Variants in CACNA2D3 observed in about 807,000 individuals in gnomAD.
CACNA2D3 encodes voltage-dependent calcium channel subunit alpha-2/delta-3.
Under a neutral mutation model 160.6 loss-of-function variants are expected in CACNA2D3, and 60 were observed. The observed-to-expected ratio is 0.37, with a 90% confidence interval of 0.30 to 0.46. The LOEUF is 0.46. Ranked by LOEUF, CACNA2D3 falls within the 20% of genes least tolerant of loss-of-function variation. CACNA2D3 has a pLI of 1.00. For synonymous variants in CACNA2D3, 558 were observed against 492.9 expected, an observed-to-expected ratio of 1.13 and a Z score of -1.75; for missense variants, 1,205 against 1,365.0, an observed-to-expected ratio of 0.88 and a Z score of 1.85.
At chr3:54,864,098 C>T (rs533980584) in intron 17 of CACNA2D3, among the ~76,000 whole-genome samples, 6 of 152,282 alleles carry the variant, frequency 3.9e-5, no homozygotes, top group African/African-American at 1.4e-4. Flanking sequence ...GGGAGTCACA[C>T]ATCCAAGGAG....
chr3:54,261,362 T>C (rs1302824676), intron 2 of CACNA2D3, among the ~76,000 whole-genome samples: 3 of 152,192 alleles, frequency 2.0e-5, no homozygotes, highest in Non-Finnish European at 4.4e-5. Flanking sequence ...CTTGTTACCA[T>C]GGGGAGGAAC....
At chr3:54,844,505 A>C (rs542124415) in intron 16 of CACNA2D3, among the ~76,000 whole-genome samples, 2 of 152,210 alleles carry the variant, frequency 1.3e-5, no homozygotes, top group African/African-American at 4.8e-5. Flanking sequence ...TAGAATCTGC[A>C]CTAAATGCAG....
chr3:54,414,201 A>G (rs1047212127), intron 4 of CACNA2D3, among the ~76,000 whole-genome samples: 3 of 152,078 alleles, frequency 2.0e-5, no homozygotes, highest in Non-Finnish European at 4.4e-5. Context: ...AGTGAGAACA[A>G]CATTGACTTA....
chr3:54,559,255 C>T (rs1172655516), intron 5 of CACNA2D3, among the ~76,000 whole-genome samples: 2 of 152,056 alleles, frequency 1.3e-5, no homozygotes, highest in African/African-American at 2.4e-5. Context: ...TGTTTATTCT[C>T]CTTCTTTGTC....
intron 4 of CACNA2D3, among the ~76,000 whole-genome samples, chr3:54,477,211 A>G (rs1199478192): frequency 6.6e-6 from 1 of 152,100 alleles, no homozygotes; most frequent in Non-Finnish European, 1.5e-5. Flanking sequence ...TCTGGCATAG[A>G]GTACCTATAA....
At chr3:54,137,633 A>G (rs1699838982) in intron 2 of CACNA2D3, among the ~76,000 whole-genome samples, 1 of 152,214 alleles carries the variant, frequency 6.6e-6, no homozygotes, top group African/African-American at 2.4e-5. Context: ...AACCCGTTAC[A>G]ACCTCACATG....
At chr3:54,440,756 G>C (rs1027653232) in intron 4 of CACNA2D3, among the ~76,000 whole-genome samples, 1 of 151,936 alleles carries the variant, frequency 6.6e-6, no homozygotes, top group African/African-American at 2.4e-5. Flanking sequence ...TTGTCCTTGC[G>C]ATAGTTTGCT....
chr3:54,659,608 C>G (rs1029721595), intron 11 of CACNA2D3, among the ~76,000 whole-genome samples: 5 of 152,084 alleles, frequency 3.3e-5, no homozygotes, highest in Admixed American at 6.5e-5. Context: ...GGGAGTGTTG[C>G]CAAGAAGCGT....
At chr3:54,380,271 A>T (rs1307578147) in intron 3 of CACNA2D3, among the ~76,000 whole-genome samples, 3 of 152,154 alleles carry the variant, frequency 2.0e-5, no homozygotes, top group African/African-American at 7.2e-5. Flanking sequence ...TTAATCCGTG[A>T]TGGATTGAGT....
intron 2 of CACNA2D3, among the ~76,000 whole-genome samples, chr3:54,136,084 G>A (rs1454885928): frequency 7.9e-5 from 12 of 152,154 alleles, no homozygotes; most frequent in African/African-American, 1.4e-4. Context: ...TAGTTTATGC[G>A]GAAGGGTGTG....
rs553056023 is a variant in CACNA2D3 at position 54,674,742 on chromosome 3, A to G, written c.1167+32501A>G. ...GAGAGGTGGTAGACAGTGGAGGATC[A>G]ACTATTTTGAGGTCCCAACATATGG... On this transcript the variant is annotated intron_variant, in intron 11 of 37. Transcript: ENST00000474759. 7.2e-5 allele frequency among the ~76,000 whole-genome samples: 11 copies of G among 152,302 alleles called. No homozygotes were observed. In the South Asian group the frequency reaches 1.2e-3, roughly 17 times the overall value.
chr3:54,419,327 A>G (rs1699803011), intron 4 of CACNA2D3, among the ~76,000 whole-genome samples: 1 of 152,200 alleles, frequency 6.6e-6, no homozygotes, highest in African/African-American at 2.4e-5. Flanking sequence ...CAGAGAGAAC[A>G]AAAGACCTGG....
Position 54,152,664 on chromosome 3 carries a change from G to A in CACNA2D3, c.204+29070G>A, listed in dbSNP as rs189846694. Among the ~76,000 whole-genome samples, 218 of 152,328 alleles carry A rather than the reference G, an allele frequency of 1.4e-3. 2 individuals are homozygous for A. The highest frequency in any genetic ancestry group is 4.9e-3 in the African/African-American group (205 of 41,560). On this transcript the variant is annotated intron_variant, in intron 2 of 37. Coordinates refer to ENST00000474759, the MANE Select transcript of CACNA2D3 (RefSeq NM_018398.3). ...TGAAACCACAGAATGCAATTGTCCT[G>A]TCTTCCCTTCTTAATGTTTAATAGT...
intron 35 of CACNA2D3, among the ~76,000 whole-genome samples, chr3:55,026,772 G>C (rs763226596): frequency 4.2e-4 from 64 of 152,292 alleles, no homozygotes; most frequent in Admixed American, 1.4e-3. Context: ...TTTTGATCCT[G>C]TCAAAGAGAA....
chr3:54,586,280 A>AT (rs60012570), intron 9 of CACNA2D3, among the ~76,000 whole-genome samples: 2 of 148,058 alleles, frequency 1.4e-5, no homozygotes, highest in African/African-American at 5.0e-5. Context: ...AAAAAAAAAA[A>AT]GAAACTCATT....
At chr3:54,222,288 C>G (rs1701588579) in intron 2 of CACNA2D3, among the ~76,000 whole-genome samples, 1 of 152,120 alleles carries the variant, frequency 6.6e-6, no homozygotes, top group Non-Finnish European at 1.5e-5. Flanking sequence ...AGCTGGTGAT[C>G]TATTTCTTTC....
intron 35 of CACNA2D3, among the ~76,000 whole-genome samples, chr3:55,018,716 T>C (rs1192863963): frequency 6.6e-6 from 1 of 152,128 alleles, no homozygotes; most frequent in African/African-American, 2.4e-5. Flanking sequence ...TGTTTCTTGG[T>C]GGTTGAGTAT....
intron 2 of CACNA2D3, among the ~76,000 whole-genome samples, chr3:54,154,857 T>C (rs1282406665): frequency 2.0e-5 from 3 of 152,218 alleles, no homozygotes; most frequent in Admixed American, 6.5e-5. Flanking sequence ...GTGAAGCCAA[T>C]GTCATGTTTC....
intron 13 of CACNA2D3, among the ~76,000 whole-genome samples, chr3:54,786,067 T>C (rs1370318646): frequency 6.6e-6 from 1 of 152,188 alleles, no homozygotes; most frequent in East Asian, 1.9e-4. Flanking sequence ...ATCTTTATGT[T>C]TCAAGTTACA....
Sources: allele counts gnomAD v4.1 joint callset (sites outside exome capture counted in the v4.1 genomes callset), GRCh38; gene constraint gnomAD v4.1.1; transcripts MANE v1.5; gene names NCBI Gene and HGNC (gene_info 2026-07-23, HGNC 2026-07-21).